Variants in UST observed in about 807,000 individuals in gnomAD.
The protein encoded by UST is chondroitin sulfate 2-O-sulfotransferase.
A neutral mutation model predicts 45.6 loss-of-function variants in UST; 21 were observed. The ratio of observed to expected loss-of-function variants is 0.46; its 90% CI spans 0.33 to 0.66. The LOEUF is 0.66. Ranked by LOEUF, UST falls within the 30% of genes least tolerant of loss-of-function variation. The pLI is 0.02. For missense variants in UST, 463 were observed against 512.4 expected, an observed-to-expected ratio of 0.90 and a Z score of 0.93; for synonymous variants, 215 against 200.6, an observed-to-expected ratio of 1.07 and a Z score of -0.61.
chr6:148,841,283 T>G (rs1777882803), intron 1 of UST, among the ~76,000 whole-genome samples: 1 of 152,138 alleles, frequency 6.6e-6, no homozygotes, highest in Admixed American at 6.5e-5. Flanking sequence ...TTAAACAAAT[T>G]TCCATACCTG....
intron 7 of UST, among the ~76,000 whole-genome samples, chr6:149,024,999 C>G (rs1776030479): frequency 6.6e-6 from 1 of 151,802 alleles, no homozygotes; most frequent in Non-Finnish European, 1.5e-5. Context: ...TCCTCTCTAG[C>G]AATACTAAAA....
chr6:148,892,148 T>C (rs550115243), intron 2 of UST, among the ~76,000 whole-genome samples: 1 of 152,324 alleles, frequency 6.6e-6, no homozygotes, highest in South Asian at 2.1e-4. Flanking sequence ...AGAGAATTAA[T>C]CTATCATGTC....
At chr6:149,046,714 T>G (rs903102915) in intron 7 of UST, among the ~76,000 whole-genome samples, 1 of 152,256 alleles carries the variant, frequency 6.6e-6, no homozygotes, top group African/African-American at 2.4e-5. Flanking sequence ...CAAGGCACTT[T>G]TCTAATCATC....
intron 1 of UST, among the ~76,000 whole-genome samples, chr6:148,886,662 C>T (rs1778917428): frequency 6.6e-6 from 1 of 152,088 alleles, no homozygotes; most frequent in Admixed American, 6.5e-5. Context: ...TTCTGAAGTA[C>T]AATAACATTT....
intron 1 of UST, among the ~76,000 whole-genome samples, chr6:148,828,027 T>A (rs1361654117): frequency 1.3e-5 from 2 of 152,036 alleles, no homozygotes; most frequent in Non-Finnish European, 2.9e-5. Context: ...GCCATATGTT[T>A]AAGAATGAAT....
At chr6:148,782,171 A>G (rs1212934026) in intron 1 of UST, among the ~76,000 whole-genome samples, 1 of 150,762 alleles carries the variant, frequency 6.6e-6, no homozygotes, top group East Asian at 2.0e-4. Context: ...GATTCCTCTG[A>G]TGGATCTGGG....
chr6:148,808,541 A>G (rs531802290), intron 1 of UST, among the ~76,000 whole-genome samples: 1 of 151,956 alleles, frequency 6.6e-6, no homozygotes, highest in East Asian at 2.0e-4. Context: ...CTTTTGCCTC[A>G]TGCTGAAGCA....
Position 149,074,078 on chromosome 6 carries a change from G to C in UST, c.1183G>C (p.Asp395His). The change falls in exon 8 of 8, where the codon GAT becomes CAT. Residue 395 changes from aspartate to histidine, a missense_variant. This residue lies in a region of UST where 287 missense variants were observed against 374.2 expected (regional missense o/e 0.77). Transcript: ENST00000367463. The stretch of plus-strand genomic sequence containing the variant: ...GGAGCCAATCGACGATGAAGAACAG[G>C]ATGATGAAAAGTGGCTGGAAGATAT... ...TEEPIDDEEQDDEKWLEDIYK... is the reference protein window; with the variant it reads ...TEEPIDDEEQHDEKWLEDIYK... 6.2e-7 allele frequency: 1 copy of C among 1,614,206 alleles called. No homozygotes were observed. The highest frequency in any genetic ancestry group is 8.5e-7 in the Non-Finnish European group (1 of 1,180,030).
At chr6:148,900,700 C>A (rs758311852) in intron 2 of UST, among the ~76,000 whole-genome samples, 4 of 152,150 alleles carry the variant, frequency 2.6e-5, no homozygotes, top group Non-Finnish European at 4.4e-5. Flanking sequence ...TGTATTTGTT[C>A]CTTTTTGCTG....
intron 5 of UST, among the ~76,000 whole-genome samples, chr6:149,010,895 C>CAAAA (rs1172538648): frequency 2.0e-4 from 13 of 65,514 alleles, no homozygotes; most frequent in Admixed American, 3.7e-4. Flanking sequence ...CCGTCTCAAC[C>CAAAA]AAAAAAAAAA....
Position 148,819,992 on chromosome 6 carries a change from G to A in UST, c.248-66994G>A, listed in dbSNP as rs148431254. The stretch of plus-strand genomic sequence containing the variant: ...CCGAAGGCCCATCTGTACCCATGGG[G>A]GCCTCTCTCTCCGGGTGCCAGCTTA... On this transcript the variant is annotated intron_variant, in intron 1 of 7. Transcript: ENST00000367463. Among the ~76,000 whole-genome samples, 1,290 of 152,188 alleles carry A rather than the reference G, an allele frequency of 8.5e-3. 14 individuals carry two copies. The highest frequency in any genetic ancestry group is 0.011 in the Non-Finnish European group (763 of 68,004).
intron 1 of UST, among the ~76,000 whole-genome samples, chr6:148,796,560 G>C (rs1467518309): frequency 1.4e-5 from 2 of 144,414 alleles, no homozygotes; most frequent in Non-Finnish European, 3.0e-5. Flanking sequence ...GGAGGCGGAG[G>C]TTGCAGTGAG....
intron 2 of UST, among the ~76,000 whole-genome samples, chr6:148,937,397 C>T (rs1417745645): frequency 2.0e-5 from 3 of 152,156 alleles, no homozygotes; most frequent in South Asian, 2.1e-4. Flanking sequence ...TTCTTATAGA[C>T]GCGTTCTTTT....
chr6:149,023,101 G>GGT (rs61544082), intron 7 of UST, among the ~76,000 whole-genome samples: 2,022 of 143,328 alleles, frequency 0.014, 21 homozygotes, highest in Admixed American at 0.025. Context: ...CTTGTTCTAT[G>GGT]GTGTGTGTGT....
At chr6:148,805,246 G>T (rs1244738490) in intron 1 of UST, among the ~76,000 whole-genome samples, 2 of 152,134 alleles carry the variant, frequency 1.3e-5, no homozygotes, top group African/African-American at 2.4e-5. Flanking sequence ...GGTTGTTTAT[G>T]TAAATGTCCT....
chr6:148,786,273 A>C (rs1230075386), intron 1 of UST, among the ~76,000 whole-genome samples: 1 of 152,120 alleles, frequency 6.6e-6, no homozygotes, highest in African/African-American at 2.4e-5. Context: ...CAGGATGTGC[A>C]GGTTCGTTAC....
intron 1 of UST, among the ~76,000 whole-genome samples, chr6:148,865,708 GTGTGT>G (rs1562281726): frequency 0.12 from 16,482 of 132,608 alleles, 1,183 homozygotes; most frequent in East Asian, 0.25. Flanking sequence ...GTGTGTGTGT[GTGTGT>G]GAATTCAGAG....
At chr6:149,007,143 G>A (rs1775729816) in intron 5 of UST, among the ~76,000 whole-genome samples, 1 of 128,478 alleles carries the variant, frequency 7.8e-6, no homozygotes, top group African/African-American at 2.9e-5. Flanking sequence ...TTTTTGAGAT[G>A]GAGTCTCACT....
intron 1 of UST, among the ~76,000 whole-genome samples, chr6:148,835,653 A>C (rs1291724387): frequency 1.3e-5 from 2 of 152,158 alleles, no homozygotes; most frequent in East Asian, 3.9e-4. Flanking sequence ...GATTGTACCA[A>C]GCCAGGCATC....
Sources: gnomAD v4.1 joint callset for allele counts (sites outside exome capture counted in the v4.1 genomes callset) on GRCh38, gnomAD v4.1.1 for gene constraint, gnomAD v4.1.1 regional missense constraint, MANE v1.5 for transcripts, NCBI Gene and HGNC (gene_info 2026-07-23, HGNC 2026-07-21) for gene names.